JPH1: variants seen among roughly 807,000 people sequenced by gnomAD.
JPH1 encodes the protein junctophilin-1.
In JPH1, 12 loss-of-function variants were observed where a neutral mutation model predicts 53.6. The observed-to-expected ratio is 0.22, with a 90% confidence interval of 0.14 to 0.36. The LOEUF is 0.36. JPH1 is among the 10% of genes least tolerant of loss of function. The probability of loss-of-function intolerance (pLI) is 1.00; values close to 1 mark genes in which losing one functional copy is unlikely to be tolerated. For missense variants in JPH1, 808 were observed against 905.5 expected (o/e 0.89, Z 1.38); for synonymous variants, 375 against 363.8 (o/e 1.03, Z -0.35).
At chr8:74,245,199 G>T (rs772820852) in intron 3 of JPH1, 24 bp from the exon 4 acceptor site, 2 of 1,529,414 alleles carry the variant, frequency 1.3e-6, no homozygotes, top group African/African-American at 1.5e-5. Flanking sequence ...AAAGAAAAAA[G>T]AAAAAAAGAA....
At chr8:74,246,153 A>C (rs1488876785) in intron 3 of JPH1, among the ~76,000 whole-genome samples, 1 of 152,120 alleles carries the variant, frequency 6.6e-6, no homozygotes, top group Non-Finnish European at 1.5e-5. Flanking sequence ...TCGCCTCATA[A>C]GGTGAGGTCA....
intron 2 of JPH1, among the ~76,000 whole-genome samples, chr8:74,301,627 T>C (rs953127011): frequency 6.6e-6 from 1 of 152,104 alleles, no homozygotes; most frequent in African/African-American, 2.4e-5. Context: ...CTTCCTCCAA[T>C]ATGCAACACT....
chr8:74,248,476 G>C (rs986904281), intron 3 of JPH1, among the ~76,000 whole-genome samples: 1 of 152,166 alleles, frequency 6.6e-6, no homozygotes, highest in South Asian at 2.1e-4. Context: ...CAAATGATCC[G>C]AGTGATTCTA....
At position 74,320,012 on chromosome 8, in the gene JPH1, T is replaced by C. The variant is rs1808269538; in HGVS notation, c.379+897A>G. Among the ~76,000 whole-genome samples, 1 of 152,244 alleles carries C rather than the reference T, an allele frequency of 6.6e-6. No individual in the cohort carries two copies. The highest frequency in any genetic ancestry group is 2.4e-5 in the African/African-American group (1 of 41,462). On this transcript the variant is annotated intron_variant, in intron 1 of 5. Coordinates refer to ENST00000342232, the MANE Select transcript of JPH1 (RefSeq NM_020647.4). The surrounding 1 kb of genome is among the most constrained non-coding windows in gnomAD (Gnocchi z 4.4). ...TTAAATATTAAAATAAGGTGATCTT[T>C]GTTCACAGCCAGGAATACTGGCTTA...
intron 2 of JPH1, among the ~76,000 whole-genome samples, chr8:74,304,181 T>A (rs1405192207): frequency 6.6e-6 from 1 of 152,228 alleles, no homozygotes; most frequent in African/African-American, 2.4e-5. Context: ...TGCTTTTTCA[T>A]CTGTCCTAAC....
chr8:74,255,338 C>G (rs1003124444), intron 3 of JPH1, among the ~76,000 whole-genome samples: 17 of 152,074 alleles, frequency 1.1e-4, no homozygotes, highest in African/African-American at 3.6e-4. Flanking sequence ...AACTGGCTAG[C>G]CATATGTAGA....
At chr8:74,309,656 A>C (rs10107380) in intron 2 of JPH1, among the ~76,000 whole-genome samples, 1 of 152,258 alleles carries the variant, frequency 6.6e-6, no homozygotes. Flanking sequence ...TGGAGACAAG[A>C]GTCGATGGAG....
At chr8:74,319,747 A>C (rs567124009) in intron 1 of JPH1, among the ~76,000 whole-genome samples, 104 of 152,222 alleles carry the variant, frequency 6.8e-4, no homozygotes, top group Non-Finnish European at 1.3e-3. Context: ...ATATCCTCCA[A>C]CTCTGAGCTG....
chr8:74,247,662 G>C (rs1805896245), intron 3 of JPH1, among the ~76,000 whole-genome samples: 2 of 152,070 alleles, frequency 1.3e-5, no homozygotes, highest in African/African-American at 4.8e-5. Context: ...AAATGAAGCT[G>C]TCACAAAGCC....
chr8:74,296,367 A>G (rs1263916872), intron 2 of JPH1, among the ~76,000 whole-genome samples: 2 of 152,230 alleles, frequency 1.3e-5, no homozygotes, highest in Non-Finnish European at 2.9e-5. Flanking sequence ...ACCCAAAGTT[A>G]GTTCTCATTA....
chr8:74,298,148 T>C (rs902129776), intron 2 of JPH1, among the ~76,000 whole-genome samples: 1 of 152,208 alleles, frequency 6.6e-6, no homozygotes, highest in Non-Finnish European at 1.5e-5. Flanking sequence ...GGCTTCAAAG[T>C]ACTGTTCTTA....
At chr8:74,288,377 C>T (rs1394147249) in intron 2 of JPH1, among the ~76,000 whole-genome samples, 1 of 152,198 alleles carries the variant, frequency 6.6e-6, no homozygotes, top group Non-Finnish European at 1.5e-5. Flanking sequence ...ATTTCTTCAA[C>T]AGCATGCATG....
At chr8:74,245,667 T>C (rs1419975271) in intron 3 of JPH1, among the ~76,000 whole-genome samples, 1 of 152,180 alleles carries the variant, frequency 6.6e-6, no homozygotes, top group Non-Finnish European at 1.5e-5. Flanking sequence ...GAGGCTTAGG[T>C]TGCACGACAC....
rs1422299875 is a variant in JPH1 at position 74,321,081 on chromosome 8, C to A, written c.207G>T (p.Arg69=). 2 of 1,613,304 alleles carry A rather than the reference C, an allele frequency of 1.2e-6. No individual in the cohort carries two copies. The highest frequency in any genetic ancestry group is 2.7e-5 in the African/African-American group (2 of 74,892). The change falls in exon 1 of 6, where the codon CGG becomes CGT. Residue 69 remains arginine, a synonymous_variant. Coordinates refer to ENST00000342232, the MANE Select transcript of JPH1 (RefSeq NM_020647.4). The surrounding 1 kb of genome is among the most constrained non-coding windows in gnomAD (Gnocchi z 4.3). ...TYQGYWAQGK[R]HGLGVETKGK... is the part of the protein sequence containing the mutation. ...CCTTCGTCTCCACCCCCAGCCCGTGCCGCTTGCCCTGCGCCCAGTAGCCCT... is the reference window on the plus strand; with the variant it reads ...CCTTCGTCTCCACCCCCAGCCCGTGACGCTTGCCCTGCGCCCAGTAGCCCT...
At chr8:74,305,488 T>C (rs1244285068) in intron 2 of JPH1, among the ~76,000 whole-genome samples, 5 of 152,264 alleles carry the variant, frequency 3.3e-5, no homozygotes, top group Non-Finnish European at 5.9e-5. Context: ...TAGAAACTGC[T>C]ACTTTAATTC....
intron 2 of JPH1, among the ~76,000 whole-genome samples, chr8:74,302,339 T>C (rs761773679): frequency 6.6e-6 from 1 of 152,236 alleles, no homozygotes; most frequent in Admixed American, 6.5e-5. Context: ...TTAATGTTTC[T>C]GTACACAAAT....
At position 74,321,006 on chromosome 8, in the gene JPH1, G is replaced by C. The variant is rs1490496228; in HGVS notation, c.282C>G (p.Tyr94Ter). The change falls in exon 1 of 6, where the codon TAC becomes TAG. Residue 94 changes from tyrosine to a stop codon, truncating the protein, a stop_gained. Transcript: ENST00000342232. LOFTEE classifies it high-confidence loss of function. This position sits in a 1 kb window ranked among gnomAD's most constrained non-coding sequence, Gnocchi z 4.3. ...GGGTGCACAGGCTCTGCCGGACCCC[G>C]TAGCGCCCCTTGAAACCATGTGACC... Reference protein sequence around the residue: ...GEWSHGFKGRYGVRQSLCTPA... With the variant: ...GEWSHGFKGR 6.2e-7 allele frequency: 1 copy of C among 1,612,744 alleles called. No individual in the cohort carries two copies.
At chr8:74,238,894 G>A (rs944553759) in intron 4 of JPH1, among the ~76,000 whole-genome samples, 1 of 152,192 alleles carries the variant, frequency 6.6e-6, no homozygotes, top group Non-Finnish European at 1.5e-5. Context: ...CTGGCCTTAA[G>A]CGATCCTGCC....
intron 2 of JPH1, among the ~76,000 whole-genome samples, chr8:74,287,110 G>C (rs1324739615): frequency 1.3e-5 from 2 of 152,276 alleles, no homozygotes; most frequent in Non-Finnish European, 2.9e-5. Flanking sequence ...TGGAGCTCTT[G>C]CATGCATTAG....
Sources: allele counts gnomAD v4.1 joint callset (sites outside exome capture counted in the v4.1 genomes callset), GRCh38; gene constraint gnomAD v4.1.1; non-coding constraint Gnocchi (gnomAD v3.1); transcripts MANE v1.5; gene names NCBI Gene and HGNC (gene_info 2026-07-23, HGNC 2026-07-21).